The following PTPRD variants were observed in gnomAD, a reference collection of about 807,000 sequenced individuals.
The protein encoded by PTPRD is receptor-type tyrosine-protein phosphatase delta.
In PTPRD, 34 loss-of-function variants were observed where a neutral mutation model predicts 214.5. The observed-to-expected ratio is 0.16, with a 90% CI of 0.12 to 0.21. The LOEUF (loss-of-function observed/expected upper bound fraction) is 0.21. Among genes scored for constraint, PTPRD ranks in the 10% least tolerant of loss-of-function variants. PTPRD has a pLI of 1.00. For synonymous variants in PTPRD, 1,128 were observed against 845.7 expected, an observed-to-expected ratio of 1.33 and a Z score of -5.79; for missense variants, 2,545 against 2,398.7, an observed-to-expected ratio of 1.06 and a Z score of -1.27.
intron 5 of PTPRD, among the ~76,000 whole-genome samples, chr9:9,935,144 A>G (rs570637594): frequency 1.1e-3 from 172 of 152,208 alleles, no homozygotes; most frequent in African/African-American, 4.0e-3. Context: ...AACTGGAAGC[A>G]TTCCCTTTGA....
chr9:8,619,208 A>G (rs2095727209), intron 14 of PTPRD, among the ~76,000 whole-genome samples: 1 of 152,050 alleles, frequency 6.6e-6, no homozygotes, highest in Admixed American at 6.6e-5. Context: ...GTGTTTGAGA[A>G]TACTTTGTAC....
At chr9:10,117,600 T>G (rs1001226710) in intron 3 of PTPRD, among the ~76,000 whole-genome samples, 4 of 115,646 alleles carry the variant, frequency 3.5e-5, no homozygotes, top group African/African-American at 1.3e-4. Flanking sequence ...CCTGTATGGA[T>G]TAAATCTCCC....
At chr9:8,743,114 A>AAAAAAAG (rs1555254319) in intron 11 of PTPRD, among the ~76,000 whole-genome samples, 1 of 132,018 alleles carries the variant, frequency 7.6e-6, no homozygotes, top group Non-Finnish European at 1.6e-5. Flanking sequence ...TAAAAAAAAA[A>AAAAAAAG]GGGGGGGGGG....
At chr9:8,726,841 C>T (rs191702269) in intron 12 of PTPRD, among the ~76,000 whole-genome samples, 27 of 147,166 alleles carry the variant, frequency 1.8e-4, no homozygotes, top group South Asian at 1.5e-3. Flanking sequence ...CATGGTGGCG[C>T]GTGCCTGTAG....
chr9:8,734,580 A>C (rs146936532), intron 11 of PTPRD, among the ~76,000 whole-genome samples: 296 of 152,368 alleles, frequency 1.9e-3, no homozygotes, highest in Non-Finnish European at 3.3e-3. Flanking sequence ...CAGGATTTTT[A>C]TATGCCTCCT....
At chr9:8,784,821 T>G (rs1400238565) in intron 11 of PTPRD, among the ~76,000 whole-genome samples, 5 of 152,078 alleles carry the variant, frequency 3.3e-5, no homozygotes, top group Non-Finnish European at 7.4e-5. Context: ...GAAACACGCG[T>G]TTTTCTCTAT....
At chr9:9,900,828 G>C (rs920852384) in intron 5 of PTPRD, among the ~76,000 whole-genome samples, 2 of 151,872 alleles carry the variant, frequency 1.3e-5, no homozygotes, top group African/African-American at 4.8e-5. Flanking sequence ...GTAAAGATGA[G>C]GTTTCACCAT....
intron 9 of PTPRD, among the ~76,000 whole-genome samples, chr9:9,244,579 G>A (rs1222433001): frequency 6.6e-6 from 1 of 152,170 alleles, no homozygotes; most frequent in African/African-American, 2.4e-5. Flanking sequence ...AAACTGGCTA[G>A]CCATACGTAA....
intron 10 of PTPRD, among the ~76,000 whole-genome samples, 187 bp from the exon 11 acceptor site, chr9:9,018,922 G>A (rs2099547921): frequency 7.9e-5 from 12 of 152,036 alleles, no homozygotes; most frequent in Admixed American, 7.9e-4. Flanking sequence ...AACTTAAAAT[G>A]TTCCTTTTAA....
At chr9:8,493,716 T>C (rs2097195987) in intron 26 of PTPRD, among the ~76,000 whole-genome samples, 1 of 152,218 alleles carries the variant, frequency 6.6e-6, no homozygotes, top group African/African-American at 2.4e-5. Context: ...GACTTTAGTT[T>C]TACCACATCA....
At chr9:8,946,083 G>C (rs1439912280) in intron 11 of PTPRD, among the ~76,000 whole-genome samples, 1 of 152,136 alleles carries the variant, frequency 6.6e-6, no homozygotes, top group Non-Finnish European at 1.5e-5. Flanking sequence ...ATCCTTGCTA[G>C]CAAAATGTAA....
intron 11 of PTPRD, among the ~76,000 whole-genome samples, chr9:8,833,937 A>AGTGAC (rs200909764): frequency 0.12 from 18,423 of 151,968 alleles, 1,369 homozygotes; most frequent in East Asian, 0.27. Context: ...CGGGCATTTT[A>AGTGAC]AGAAGTTACT....
chr9:9,596,257 A>G (rs185342745), intron 7 of PTPRD, among the ~76,000 whole-genome samples: 9 of 152,148 alleles, frequency 5.9e-5, no homozygotes, highest in African/African-American at 1.9e-4. Context: ...TGTGATATAT[A>G]TCAGATAAAA....
At chr9:8,507,544 G>C (rs1592288126) in intron 21 of PTPRD, 110 bp from the exon 22 acceptor site, 1 of 1,332,760 alleles carries the variant, frequency 7.5e-7, no homozygotes, top group East Asian at 2.3e-5. Flanking sequence ...ACATGTACCA[G>C]CTTAGTGGAA....
chr9:8,526,267 G>GA (rs2074100180), intron 17 of PTPRD, among the ~76,000 whole-genome samples: 1 of 75,986 alleles, frequency 1.3e-5, no homozygotes, highest in African/African-American at 5.1e-5. Context: ...AAAGGAAAAA[G>GA]AAGAAAAAAA....
At chr9:10,023,621 A>ATTTT (rs71485309) in intron 4 of PTPRD, among the ~76,000 whole-genome samples, 1 of 147,046 alleles carries the variant, frequency 6.8e-6, no homozygotes, top group Non-Finnish European at 1.5e-5. Context: ...ACATGGAACT[A>ATTTT]TTTTTTTTTT....
intron 2 of PTPRD, among the ~76,000 whole-genome samples, chr9:10,390,500 G>T (rs1055851062): frequency 2.0e-5 from 3 of 151,820 alleles, no homozygotes; most frequent in Non-Finnish European, 4.4e-5. Flanking sequence ...CGAGTTTGCA[G>T]TAACAGTAGT....
intron 10 of PTPRD, among the ~76,000 whole-genome samples, chr9:9,071,225 A>G (rs184391472): frequency 6.6e-6 from 1 of 152,190 alleles, no homozygotes; most frequent in East Asian, 1.9e-4. Flanking sequence ...CTGAACTTTT[A>G]TATTCATTCC....
At chr9:10,125,110 T>A (rs115096875) in intron 3 of PTPRD, among the ~76,000 whole-genome samples, 1 of 152,180 alleles carries the variant, frequency 6.6e-6, no homozygotes, top group Non-Finnish European at 1.5e-5. Context: ...ATTTGATAAA[T>A]ATGCTGATGA....
Sources: allele counts gnomAD v4.1 joint callset (sites outside exome capture counted in the v4.1 genomes callset), GRCh38; gene constraint gnomAD v4.1.1; transcripts MANE v1.5; gene names NCBI Gene and HGNC (gene_info 2026-07-23, HGNC 2026-07-21).